DLGAP1: variants seen among roughly 807,000 people sequenced by gnomAD.
DLGAP1 encodes the protein disks large-associated protein 1.
In DLGAP1, 11 loss-of-function variants were observed where a neutral mutation model predicts 90.8. The observed-to-expected ratio is 0.12, with a 90% CI of 0.08 to 0.20. DLGAP1 has a LOEUF of 0.20. Ranked by LOEUF, DLGAP1 falls within the 10% of genes least tolerant of loss-of-function variation. The pLI is 1.00. For missense variants in DLGAP1, 1,050 were observed against 1,333.8 expected, an observed-to-expected ratio of 0.79 and a Z score of 3.31; for synonymous variants, 558 against 540.7, an observed-to-expected ratio of 1.03 and a Z score of -0.44.
Position 3,948,357 on chromosome 18 carries a change from C to G in DLGAP1, c.-73+56759G>C, listed in dbSNP as rs151040823. ...TACTCAGCTCACTAGATGCTGGATC[C>G]CCCTTCCTTTTTCCACTATTGAAAA... On this transcript the variant is annotated intron_variant, in intron 3 of 12. Coordinates refer to ENST00000315677, the MANE Select transcript of DLGAP1 (RefSeq NM_004746.4). 2.6e-3 allele frequency among the ~76,000 whole-genome samples: 393 copies of G among 151,908 alleles called. 3 individuals carry two copies. The highest frequency in any genetic ancestry group is 8.2e-3 in the African/African-American group (337 of 41,220).
intron 2 of DLGAP1, among the ~76,000 whole-genome samples, chr18:4,006,996 T>A (rs535912338): frequency 6.6e-6 from 1 of 152,122 alleles, no homozygotes; most frequent in East Asian, 1.9e-4. Context: ...TTTAACTGAA[T>A]AAGAAACATA....
intron 1 of DLGAP1, among the ~76,000 whole-genome samples, chr18:4,438,834 T>C (rs2083462231): frequency 6.6e-6 from 1 of 152,156 alleles, no homozygotes; most frequent in South Asian, 2.1e-4. Context: ...GAAACGCCTC[T>C]CTCATGGGAA....
chr18:4,141,994 G>C (rs1477244467), intron 2 of DLGAP1, among the ~76,000 whole-genome samples: 1 of 152,060 alleles, frequency 6.6e-6, no homozygotes, highest in African/African-American at 2.4e-5. Context: ...AGTTCATTCA[G>C]TGCTGTCATG....
intron 2 of DLGAP1, among the ~76,000 whole-genome samples, chr18:4,132,211 C>A (rs527421415): frequency 6.6e-6 from 1 of 152,248 alleles, no homozygotes; most frequent in South Asian, 2.1e-4. Context: ...TCATTCTTTT[C>A]ACTGAAATGA....
chr18:3,710,658 A>C (rs370945813), intron 7 of DLGAP1, among the ~76,000 whole-genome samples: 2 of 152,224 alleles, frequency 1.3e-5, no homozygotes, highest in East Asian at 3.8e-4. Context: ...TTTTGGCTGG[A>C]ATTGAGATGA....
intron 7 of DLGAP1, among the ~76,000 whole-genome samples, chr18:3,585,093 G>T (rs1039136213): frequency 2.0e-5 from 3 of 152,082 alleles, no homozygotes; most frequent in African/African-American, 7.2e-5. Context: ...AACAATAAGT[G>T]TCGACTTCCT....
intron 1 of DLGAP1, among the ~76,000 whole-genome samples, chr18:4,175,382 ATGATAATTTCT>A (rs2077090011): frequency 6.6e-6 from 1 of 152,090 alleles, no homozygotes; most frequent in Non-Finnish European, 1.5e-5. Context: ...GTTGACTCTG[ATGATAATTTCT>A]TTTGCTGTGC....
intron 2 of DLGAP1, among the ~76,000 whole-genome samples, chr18:4,032,669 C>G (rs528086625): frequency 1.3e-5 from 2 of 152,248 alleles, no homozygotes; most frequent in African/African-American, 4.8e-5. Context: ...ATCGTTTGGA[C>G]ACAAGTCACT....
intron 3 of DLGAP1, among the ~76,000 whole-genome samples, chr18:4,002,550 CT>C (rs2074215309): frequency 6.6e-6 from 1 of 152,084 alleles, no homozygotes; most frequent in Admixed American, 6.6e-5. Context: ...CTTAATAACA[CT>C]TTTTTTCCTC....
intron 1 of DLGAP1, among the ~76,000 whole-genome samples, chr18:4,297,947 G>C (rs34011138): frequency 8.5e-5 from 13 of 152,232 alleles, no homozygotes; most frequent in Middle Eastern, 3.4e-3. Flanking sequence ...CTGGGAACTA[G>C]AGCCACAAGC....
intron 1 of DLGAP1, among the ~76,000 whole-genome samples, chr18:4,222,592 T>C (rs1157432032): frequency 6.6e-6 from 1 of 152,120 alleles, no homozygotes; most frequent in Non-Finnish European, 1.5e-5. Context: ...AAGAAAATAC[T>C]ATCAACTTAG....
intron 2 of DLGAP1, among the ~76,000 whole-genome samples, chr18:4,073,090 C>A (rs1333979524): frequency 3.3e-5 from 5 of 152,056 alleles, no homozygotes; most frequent in Non-Finnish European, 7.4e-5. Context: ...GGACACACAC[C>A]AAGGAGATTA....
At chr18:3,818,740 T>A (rs1013241856) in intron 4 of DLGAP1, among the ~76,000 whole-genome samples, 6 of 151,562 alleles carry the variant, frequency 4.0e-5, no homozygotes, top group Middle Eastern at 3.4e-3. Context: ...GGACTACAGA[T>A]GCCCGCCACC....
chr18:4,438,938 G>A (rs556355917), intron 1 of DLGAP1, among the ~76,000 whole-genome samples: 18 of 152,320 alleles, frequency 1.2e-4, no homozygotes, highest in African/African-American at 3.8e-4. Context: ...GACCCTGAGG[G>A]AGGAGCACGT....
chr18:4,421,626 C>T (rs1323673774), intron 1 of DLGAP1, among the ~76,000 whole-genome samples: 1 of 152,132 alleles, frequency 6.6e-6, no homozygotes, highest in Non-Finnish European at 1.5e-5. Context: ...TTTAAATTAG[C>T]ATGATGTCTT....
chr18:3,674,804 C>A (rs1412169309), intron 7 of DLGAP1, among the ~76,000 whole-genome samples: 1 of 140,016 alleles, frequency 7.1e-6, no homozygotes, highest in African/African-American at 2.7e-5. Context: ...CCCCCATTCA[C>A]CTCCACTATC....
intron 1 of DLGAP1, among the ~76,000 whole-genome samples, chr18:4,285,851 G>A (rs1020375873): frequency 3.3e-5 from 5 of 152,154 alleles, no homozygotes; most frequent in African/African-American, 1.2e-4. Flanking sequence ...ATCTTGTCTT[G>A]TCTACCTGTT....
Position 3,499,194 on chromosome 18 carries a change from G to A in DLGAP1, c.2925C>T (p.Thr975=), listed in dbSNP as rs766679282. ...CCGGGCTGCGGGGCGCTCAGAGCCG[G>A]GTCTGCGCCTCGGGGATGTAGATCT... ...SIEIYIPEAQ[T]RL Residue 975 remains threonine, a synonymous_variant, in exon 13 of 13, where the codon ACC becomes ACT. Coordinates refer to ENST00000315677, the MANE Select transcript of DLGAP1 (RefSeq NM_004746.4). The surrounding 1 kb of genome is among the most constrained non-coding windows in gnomAD (Gnocchi z 6.4). 1 of 1,583,708 alleles carries A rather than the reference G, an allele frequency of 6.3e-7. No individual in the cohort carries two copies. The highest frequency in any genetic ancestry group is 1.1e-5 in the South Asian group (1 of 88,494).
At chr18:3,882,037 CACAA>C (rs2071186223) in intron 3 of DLGAP1, among the ~76,000 whole-genome samples, 1 of 152,190 alleles carries the variant, frequency 6.6e-6, no homozygotes, top group Admixed American at 6.5e-5. Flanking sequence ...AACTTCACCA[CACAA>C]ACAATCCCCC....
Sources: gnomAD v4.1 joint callset for allele counts (sites outside exome capture counted in the v4.1 genomes callset) on GRCh38, gnomAD v4.1.1 for gene constraint, Gnocchi (gnomAD v3.1) non-coding constraint, MANE v1.5 for transcripts, NCBI Gene and HGNC (gene_info 2026-07-23, HGNC 2026-07-21) for gene names.